UBE4A: variants seen among roughly 807,000 people sequenced by gnomAD.
UBE4A encodes ubiquitination factor E4A.
A neutral mutation model predicts 117.9 loss-of-function variants in UBE4A; 48 were observed. The ratio of observed to expected loss-of-function variants is 0.41; its 90% CI spans 0.32 to 0.52. The LOEUF is 0.52. Ranked by LOEUF, UBE4A falls within the 20% of genes least tolerant of loss-of-function variation. The pLI is 0.33. For synonymous variants in UBE4A, 407 were observed against 450.0 expected, an observed-to-expected ratio of 0.90 and a Z score of 1.21; for missense variants, 1,067 against 1,296.3, an observed-to-expected ratio of 0.82 and a Z score of 2.72.
chr11:118,373,101 C>T lies in UBE4A; in HGVS notation c.737C>T (p.Thr246Ile), dbSNP rs752694492. 3.7e-6 allele frequency: 6 copies of T among 1,613,710 alleles called. No homozygotes were observed. Among genetic ancestry groups the T allele is most frequent in the South Asian group, 2.2e-5 (2 of 91,066 alleles). The part of the protein sequence containing the change: ...AIQGAHFEDV[T>I]EFLEEVIEAL... ...CTTCTGTTAGATTTTGAAGATGTAA[C>T]TGAGTTTCTGGAAGAGGTCATTGAA... The change falls in exon 7 of 20, where the codon ACT (threonine) becomes ATT (isoleucine). Residue 246 changes from threonine to isoleucine, a missense_variant. Physicochemically the swap from Thr to Ile is moderately conservative, Grantham distance 89 (BLOSUM62 -1). This residue lies in a region of UBE4A where 1,001 missense variants were observed against 1,184.0 expected (regional missense o/e 0.85). Coordinates refer to ENST00000252108, the MANE Select transcript of UBE4A (RefSeq NM_001204077.2).
intron 13 of UBE4A, among the ~76,000 whole-genome samples, chr11:118,383,955 G>C (rs1591304204): frequency 6.6e-6 from 1 of 152,018 alleles, no homozygotes; most frequent in Non-Finnish European, 1.5e-5. Flanking sequence ...CAGTTATCTC[G>C]TTATGTGACC....
At chr11:118,375,926 G>A (rs1555125306) in intron 9 of UBE4A, among the ~76,000 whole-genome samples, 2 of 152,178 alleles carry the variant, frequency 1.3e-5, no homozygotes, top group African/African-American at 4.8e-5. Flanking sequence ...TGCAGAAGTT[G>A]GAGGTCTTCA....
chr11:118,364,179 T>C (rs1221997762), intron 1 of UBE4A, among the ~76,000 whole-genome samples: 2 of 152,076 alleles, frequency 1.3e-5, no homozygotes, highest in African/African-American at 4.8e-5. Flanking sequence ...GGAGCCCTGT[T>C]TATTCTGTTG....
chr11:118,381,979 T>C (rs1948708978), intron 12 of UBE4A, among the ~76,000 whole-genome samples: 1 of 152,220 alleles, frequency 6.6e-6, no homozygotes, highest in Non-Finnish European at 1.5e-5. Flanking sequence ...ATACTGTGAC[T>C]TGTAGAATTG....
intron 3 of UBE4A, 72 bp downstream of exon 3, chr11:118,368,876 C>T: frequency 6.7e-7 from 1 of 1,489,058 alleles, no homozygotes; most frequent in Non-Finnish European, 9.3e-7. Context: ...CTCTTTGAAA[C>T]TGGTTACAGC....
rs774224673 is a variant in UBE4A at position 118,369,539 on chromosome 11, A to G, written c.408+4A>G. 1.9e-6 allele frequency: 3 copies of G among 1,611,684 alleles called. No individual in the cohort carries two copies. Among genetic ancestry groups the G allele is most frequent in the Non-Finnish European group, 2.5e-6 (3 of 1,177,846 alleles). On this transcript the variant is annotated splice_donor_region_variant and intron_variant, in intron 4 of 19. Transcript: ENST00000252108. ...TGATATGAGCAATGTTGAGCAGGTA[A>G]TATTCTTACGTTCCTAATGTGTGCC... is the stretch of plus-strand genomic sequence containing the variant.
chr11:118,390,799 A>C lies in UBE4A; in HGVS notation c.2911A>C (p.Ile971Leu), dbSNP rs782688341. Residue 971 changes from isoleucine (I) to leucine (L), a missense_variant, in exon 18 of 20, where the codon ATC becomes CTC. Ile to Leu is a conservative substitution (Grantham distance 5, BLOSUM62 2). This residue lies in a region of UBE4A where 1,001 missense variants were observed against 1,184.0 expected (regional missense o/e 0.85). Transcript: ENST00000252108. The part of the protein sequence containing the change: ...IMAFSNLAER[I>L]KSLADLQQQE... ...GGCTTTCAGCAACTTGGCAGAGAGAATCAAGGTGAGGAAGAGGAGGAATTG... is the reference window on the plus strand; with the variant it reads ...GGCTTTCAGCAACTTGGCAGAGAGACTCAAGGTGAGGAAGAGGAGGAATTG... 6.2e-7 allele frequency: 1 copy of C among 1,609,980 alleles called. No homozygotes were observed. The highest frequency in any genetic ancestry group is 8.5e-7 in the Non-Finnish European group (1 of 1,177,746).
At chr11:118,377,499 T>C (rs1028673825) in intron 10 of UBE4A, among the ~76,000 whole-genome samples, 4 of 152,096 alleles carry the variant, frequency 2.6e-5, no homozygotes, top group African/African-American at 9.7e-5. Context: ...TGAGCCACTG[T>C]GCCTGGCCTG....
intron 1 of UBE4A, among the ~76,000 whole-genome samples, chr11:118,363,386 C>G (rs1591292525): frequency 6.6e-6 from 1 of 151,974 alleles, no homozygotes; most frequent in Admixed American, 6.6e-5. Flanking sequence ...TACTAAAAAT[C>G]CAAATAACAG....
chr11:118,366,990 G>A (rs1235368258), intron 2 of UBE4A, among the ~76,000 whole-genome samples: 1 of 152,326 alleles, frequency 6.6e-6, no homozygotes, highest in East Asian at 1.9e-4. Flanking sequence ...GATCACCTGA[G>A]GTCAGGAGTT....
chr11:118,372,975 C>T, intron 6 of UBE4A, 111 bp from the exon 7 acceptor site: 1 of 1,066,498 alleles, frequency 9.4e-7, no homozygotes, highest in Non-Finnish European at 1.3e-6. Flanking sequence ...AAAAACAAGA[C>T]CCCCAGCTCT....
At chr11:118,363,754 G>T (rs1046430599) in intron 1 of UBE4A, among the ~76,000 whole-genome samples, 1 of 152,094 alleles carries the variant, frequency 6.6e-6, no homozygotes, top group Non-Finnish European at 1.5e-5. Context: ...AAGTAGCTGG[G>T]ATTACAGGCA....
intron 10 of UBE4A, among the ~76,000 whole-genome samples, chr11:118,379,206 T>A (rs1381160624): frequency 1.3e-5 from 2 of 152,218 alleles, no homozygotes; most frequent in East Asian, 3.8e-4. Context: ...GGATAGTGCA[T>A]TTCAACTGAA....
chr11:118,383,386 G>C (rs1176184337), intron 13 of UBE4A, among the ~76,000 whole-genome samples: 1 of 152,028 alleles, frequency 6.6e-6, no homozygotes, highest in Non-Finnish European at 1.5e-5. Flanking sequence ...TTGAGCTCCT[G>C]AGTTTGAGAC....
intron 8 of UBE4A, 136 bp downstream of exon 8, chr11:118,373,821 T>C: frequency 9.1e-7 from 1 of 1,104,326 alleles, no homozygotes; most frequent in Non-Finnish European, 1.2e-6. Flanking sequence ...CATAAATAAA[T>C]TAAAACTGGG....
chr11:118,365,402 G>T (rs1014091702), intron 2 of UBE4A, among the ~76,000 whole-genome samples: 1 of 151,998 alleles, frequency 6.6e-6, no homozygotes, highest in African/African-American at 2.4e-5. Flanking sequence ...CCTCCCCTCC[G>T]CTGTCCTCTC....
At position 118,361,003 on chromosome 11, in the gene UBE4A, TG is replaced by T. The variant is rs2134082322; in HGVS notation, c.-42+1330del. On this transcript the variant is annotated intron_variant, in intron 1 of 19. Transcript: ENST00000252108. ...ATGTATATATGTGTGTGTGTGTGTGTGTGTATTTTTTTTTTTTTTTTTTTGA... is the reference window on the plus strand; with the variant it reads ...ATGTATATATGTGTGTGTGTGTGTGTTGTATTTTTTTTTTTTTTTTTTTGA... 2.1e-5 allele frequency among the ~76,000 whole-genome samples: 3 copies of T among 141,148 alleles called. No individual in the cohort carries two copies. In the South Asian group the frequency reaches 8.2e-4, roughly 39 times the overall value. The allele number at this position is 141,148 out of a possible 152,430, so 92.6% of individuals were successfully genotyped here.
intron 16 of UBE4A, among the ~76,000 whole-genome samples, chr11:118,387,613 C>G (rs1003717775): frequency 2.0e-5 from 3 of 152,150 alleles, no homozygotes; most frequent in African/African-American, 7.2e-5. Context: ...CTTGCCAAGG[C>G]CCCTGCACAG....
chr11:118,369,966 C>T (rs949613308), intron 4 of UBE4A, among the ~76,000 whole-genome samples: 2 of 152,012 alleles, frequency 1.3e-5, no homozygotes, highest in African/African-American at 4.8e-5. Flanking sequence ...GTGGTGGGCG[C>T]CTGTAGTCCC....
Sources: gnomAD v4.1 joint callset for allele counts (sites outside exome capture counted in the v4.1 genomes callset) on GRCh38, gnomAD v4.1.1 for gene constraint, gnomAD v4.1.1 regional missense constraint, MANE v1.5 for transcripts, NCBI Gene and HGNC (gene_info 2026-07-23, HGNC 2026-07-21) for gene names.